Variants in KIRREL3 observed in about 807,000 individuals in gnomAD.
KIRREL3 encodes the protein kirre like nephrin family adhesion molecule 3.
Under a neutral mutation model 89.7 loss-of-function variants are expected in KIRREL3, and 36 were observed. The ratio of observed to expected loss-of-function variants is 0.40; its 90% CI spans 0.31 to 0.53. The LOEUF is 0.53. Ranked by LOEUF, KIRREL3 falls within the 20% of genes least tolerant of loss-of-function variation. KIRREL3 has a pLI of 0.49. For synonymous variants in KIRREL3, 445 were observed against 441.4 expected (o/e 1.01, Z -0.10); for missense variants, 864 against 1,056.6 (o/e 0.82, Z 2.53).
Position 126,778,107 on chromosome 11 carries a change from C to T in KIRREL3, c.56-215195G>A, listed in dbSNP as rs1324005038. 6.6e-6 allele frequency among the ~76,000 whole-genome samples: 1 copy of T among 151,856 alleles called. No homozygotes were observed. Among genetic ancestry groups the T allele is most frequent in the Non-Finnish European group, 1.5e-5 (1 of 67,960 alleles). The stretch of plus-strand genomic sequence containing the variant: ...AAGAGCAAAATGAAAATTATGCCAG[C>T]CCCCTGACCTCCCCACCCAGAGATA... On this transcript the variant is annotated intron_variant, in intron 1 of 16. Coordinates refer to ENST00000525144, the MANE Select transcript of KIRREL3 (RefSeq NM_032531.4). The surrounding 1 kb of genome is among the most constrained non-coding windows in gnomAD (Gnocchi z 4.5).
chr11:126,770,842 T>G (rs1949997792), intron 1 of KIRREL3, among the ~76,000 whole-genome samples: 1 of 152,144 alleles, frequency 6.6e-6, no homozygotes, highest in Non-Finnish European at 1.5e-5. Context: ...ATTTACTTAT[T>G]TATTTTCTTT....
intron 1 of KIRREL3, among the ~76,000 whole-genome samples, chr11:126,592,700 G>A: frequency 6.6e-6 from 1 of 152,244 alleles, no homozygotes; most frequent in South Asian, 2.1e-4. Context: ...CCAGGGTGGG[G>A]AGCCCAGGAG....
intron 1 of KIRREL3, among the ~76,000 whole-genome samples, chr11:126,929,239 G>A (rs1947840912): frequency 6.6e-6 from 1 of 152,188 alleles, no homozygotes; most frequent in Admixed American, 6.5e-5. Flanking sequence ...AGGAAGTCAA[G>A]TGACAAGATG....
At chr11:126,749,291 C>T (rs1345421627) in intron 1 of KIRREL3, among the ~76,000 whole-genome samples, 1 of 152,184 alleles carries the variant, frequency 6.6e-6, no homozygotes, top group African/African-American at 2.4e-5. Context: ...TTGACTCTCT[C>T]GCTTTCTCCC....
rs117220411 is a variant in KIRREL3 at position 126,736,922 on chromosome 11, G to T, written c.56-174010C>A. ...GGCTGTCACAAGCATGGTGTGGAAA[G>T]GTCCTACTTAGTTTTCCAGGGAGCC... On this transcript the variant is annotated intron_variant, in intron 1 of 16. Coordinates refer to ENST00000525144, the MANE Select transcript of KIRREL3 (RefSeq NM_032531.4). The surrounding 1 kb of genome is among the most constrained non-coding windows in gnomAD (Gnocchi z 5.0). Among the ~76,000 whole-genome samples the T allele has an allele frequency of 6.6e-6, 1 of 152,318 alleles. No homozygotes were observed. The highest frequency in any genetic ancestry group is 3.4e-3 in the Middle Eastern group (1 of 294).
intron 1 of KIRREL3, among the ~76,000 whole-genome samples, chr11:126,855,754 G>A (rs1944485147): frequency 6.6e-6 from 1 of 152,296 alleles, no homozygotes; most frequent in South Asian, 2.1e-4. Context: ...TTTGGGTGAG[G>A]TCTAATGCCA....
intron 6 of KIRREL3, among the ~76,000 whole-genome samples, chr11:126,457,195 G>GTGTGTGTGTGTGTGTGTGTA (rs1439469025): frequency 2.2e-4 from 33 of 150,924 alleles, no homozygotes; most frequent in African/African-American, 7.8e-4. Flanking sequence ...ATGTGTGTGT[G>GTGTGTGTGTGTGTGTGTGTA]TGTGTGTGTG....
rs1687293981 is a variant in KIRREL3, at chr11:126,791,376, C to T, written c.55+209079G>A. Among the ~76,000 whole-genome samples, 1 of 152,248 alleles carries T rather than the reference C, an allele frequency of 6.6e-6. No individual in the cohort carries two copies. Among genetic ancestry groups the T allele is most frequent in the Admixed American group, 6.5e-5 (1 of 15,290 alleles). ...GGCCTGGGCTGCATGCAGCCAGCTA[C>T]CCGCTTCCCAGGCTTCTGCTCACGG... On this transcript the variant is annotated intron_variant, in intron 1 of 16. Transcript: ENST00000525144. This position sits in a 1 kb window ranked among gnomAD's most constrained non-coding sequence, Gnocchi z 4.8.
chr11:126,774,963 A>G (rs867918132), intron 1 of KIRREL3, among the ~76,000 whole-genome samples: 1 of 152,164 alleles, frequency 6.6e-6, no homozygotes, highest in Non-Finnish European at 1.5e-5. Context: ...ACAGCACTCC[A>G]GGATGAACCC....
At position 126,565,416 on chromosome 11, in the gene KIRREL3, T is replaced by C. The variant is rs939064234; in HGVS notation, c.56-2504A>G. 2.6e-5 allele frequency among the ~76,000 whole-genome samples: 4 copies of C among 152,208 alleles called. No homozygotes were observed. The highest frequency in any genetic ancestry group is 5.9e-5 in the Non-Finnish European group (4 of 68,036). ...GAAAAGAAGTTTTAAAAAACCTGAT[T>C]AATAAAAGAAATTGAGAATGAGGCA... On this transcript the variant is annotated intron_variant, in intron 1 of 16. Coordinates refer to ENST00000525144, the MANE Select transcript of KIRREL3 (RefSeq NM_032531.4). The surrounding 1 kb of genome is among the most constrained non-coding windows in gnomAD (Gnocchi z 5.4).
chr11:126,843,790 G>A lies in KIRREL3; in HGVS notation c.55+156665C>T, dbSNP rs1451999818. On this transcript the variant is annotated intron_variant, in intron 1 of 16. Transcript: ENST00000525144. This position sits in a 1 kb window ranked among gnomAD's most constrained non-coding sequence, Gnocchi z 4.6. ...GGCTAAAACCCACCAAAATCAAGAT[G>A]GCAACAAGAATGACCTCTGGTCATC... is the stretch of plus-strand genomic sequence containing the variant. Among the ~76,000 whole-genome samples the A allele has an allele frequency of 6.6e-6, 1 of 152,052 alleles. No homozygotes were observed. The highest frequency in any genetic ancestry group is 1.5e-5 in the Non-Finnish European group (1 of 68,012).
intron 2 of KIRREL3, among the ~76,000 whole-genome samples, chr11:126,552,389 AG>A (rs1939334486): frequency 2.6e-5 from 4 of 152,124 alleles, no homozygotes; most frequent in Non-Finnish European, 5.9e-5. Context: ...TTTGCTAGAC[AG>A]GGTGAAGGCA....
Position 126,670,195 on chromosome 11 carries a change from A to G in KIRREL3, c.56-107283T>C, listed in dbSNP as rs575202473. On this transcript the variant is annotated intron_variant, in intron 1 of 16. Coordinates refer to ENST00000525144, the MANE Select transcript of KIRREL3 (RefSeq NM_032531.4). ...CTTCTCTCCTTGCCACCTAAAATCT[A>G]TGCCCCACATAGCAGGCATAATGAT... is the stretch of plus-strand genomic sequence containing the variant. 7.9e-5 allele frequency among the ~76,000 whole-genome samples: 12 copies of G among 152,304 alleles called. No homozygotes were observed. In the East Asian group the frequency reaches 2.1e-3, roughly 27 times the overall value.
In KIRREL3 at chr11:126,544,138, A is replaced by G. The variant is rs749151738; in HGVS notation, c.134-17451T>C. 1 of 152,202 alleles carries G rather than the reference A, an allele frequency of 6.6e-6. No homozygotes were observed. Among genetic ancestry groups the G allele is most frequent in the Non-Finnish European group, 1.5e-5 (1 of 68,040 alleles). 9.4% of individuals were successfully genotyped at this position (152,202 alleles called of 1,614,324 possible). A position where few individuals can be genotyped will look rare whatever the true frequency, so the allele number is the denominator to read the frequency against. On this transcript the variant is annotated intron_variant, in intron 2 of 16. Coordinates refer to ENST00000525144, the MANE Select transcript of KIRREL3 (RefSeq NM_032531.4). This position sits in a 1 kb window ranked among gnomAD's most constrained non-coding sequence, Gnocchi z 5.6. ...AGAGTTACTCATGGCTTCACTGGAG[A>G]GAAGAGAGCAGCTTTCAACCCCCCT...
rs1402116835 is a variant in KIRREL3 at position 127,000,459 on chromosome 11, A to G, written c.51T>C (p.Ser17=). 3 of 1,605,716 alleles carry G rather than the reference A, an allele frequency of 1.9e-6. No homozygotes were observed. Among genetic ancestry groups the G allele is most frequent in the Non-Finnish European group, 2.6e-6 (3 of 1,176,306 alleles). The part of the protein sequence containing the change: ...DLLFVCFFLF[S]QELGLQKRGC... ...CCAGCAGCGCAGGGGTCCTACCTTG[A>G]CTGAAGAGGAAGAAGCAGACGAAGA... The change falls in exon 1 of 17, where the codon AGT becomes AGC. Residue 17 remains serine, a synonymous_variant. Coordinates refer to ENST00000525144, the MANE Select transcript of KIRREL3 (RefSeq NM_032531.4). This position sits in a 1 kb window ranked among gnomAD's most constrained non-coding sequence, Gnocchi z 7.1.
In KIRREL3 at chr11:126,923,219, CTTCT is replaced by C. The variant is rs1565423681; in HGVS notation, c.55+77232_55+77235del. On this transcript the variant is annotated intron_variant, in intron 1 of 16. Coordinates refer to ENST00000525144, the MANE Select transcript of KIRREL3 (RefSeq NM_032531.4). ...TCTTCTTCTTCTTCTTCTTCTTCTT[CTTCT>C]TCTTCTTCTTCTTCTTCTTCTTCTT... 7.0e-4 allele frequency among the ~76,000 whole-genome samples: 19 copies of C among 27,176 alleles called. 5 individuals are homozygous for C. The highest frequency in any genetic ancestry group is 1.0e-3 in the East Asian group (2 of 1,974). 17.8% of individuals were successfully genotyped at this position (27,176 alleles called of 152,430 possible).
intron 1 of KIRREL3, among the ~76,000 whole-genome samples, chr11:126,818,244 G>A (rs560687282): frequency 2.0e-5 from 3 of 152,170 alleles, no homozygotes; most frequent in African/African-American, 7.2e-5. Context: ...CAGATTATAG[G>A]ACAGCTGTTT....
chr11:126,986,074 C>T (rs557333686), intron 1 of KIRREL3, among the ~76,000 whole-genome samples: 1 of 152,258 alleles, frequency 6.6e-6, no homozygotes, highest in East Asian at 1.9e-4. Flanking sequence ...CTACAGTACT[C>T]AGCCACCTGG....
Position 126,544,566 on chromosome 11 carries a change from T to C in KIRREL3, c.134-17879A>G, listed in dbSNP as rs1302506381. Reference sequence around the variant, plus strand: ...CTACCTGGGGCTATGGAAGGGACTTTCCATAGAGGGTCTTTGGCTGAGAGT... The same window carrying C: ...CTACCTGGGGCTATGGAAGGGACTTCCCATAGAGGGTCTTTGGCTGAGAGT... On this transcript the variant is annotated intron_variant, in intron 2 of 16. Transcript: ENST00000525144. This position sits in a 1 kb window ranked among gnomAD's most constrained non-coding sequence, Gnocchi z 5.6. Among the ~76,000 whole-genome samples the C allele has an allele frequency of 6.6e-6, 1 of 152,058 alleles. No homozygotes were observed. The highest frequency in any genetic ancestry group is 1.5e-5 in the Non-Finnish European group (1 of 68,000).
Sources: allele counts gnomAD v4.1 joint callset (sites outside exome capture counted in the v4.1 genomes callset), GRCh38; gene constraint gnomAD v4.1.1; non-coding constraint Gnocchi (gnomAD v3.1); transcripts MANE v1.5; gene names NCBI Gene and HGNC (gene_info 2026-07-23, HGNC 2026-07-21).